FRMD4A: variants seen among roughly 807,000 people sequenced by gnomAD.
FRMD4A encodes FERM domain-containing protein 4A.
In FRMD4A, 29 loss-of-function variants were observed where a neutral mutation model predicts 129.1. That is an observed-to-expected ratio of 0.22 (90% confidence interval 0.17 to 0.31). The LOEUF (loss-of-function observed/expected upper bound fraction) is 0.31. Among genes scored for constraint, FRMD4A ranks in the 10% least tolerant of loss-of-function variants. The pLI is 1.00. For missense variants in FRMD4A, 1,272 were observed against 1,375.8 expected (o/e 0.92, Z 1.19); for synonymous variants, 634 against 571.6 (o/e 1.11, Z -1.56).
At chr10:13,992,078 G>T (rs2131428825) in intron 2 of FRMD4A, 1 of 152,234 alleles carries the variant, frequency 6.6e-6, no homozygotes, top group Admixed American at 6.5e-5. Flanking sequence ...AATAACATAA[G>T]GAACAAGATC....
chr10:13,920,248 A>G (rs2095056492), intron 2 of FRMD4A, among the ~76,000 whole-genome samples: 1 of 151,932 alleles, frequency 6.6e-6, no homozygotes, highest in South Asian at 2.1e-4. Flanking sequence ...GCATGTAGGC[A>G]TTTTTTTTGG....
intron 3 of FRMD4A, among the ~76,000 whole-genome samples, chr10:13,817,739 T>C (rs995503564): frequency 3.3e-5 from 5 of 152,178 alleles, no homozygotes; most frequent in Non-Finnish European, 4.4e-5. Context: ...GAACTGTGAG[T>C]TCACTAAACC....
At chr10:14,100,632 A>C (rs1170870895) in intron 2 of FRMD4A, among the ~76,000 whole-genome samples, 2 of 152,182 alleles carry the variant, frequency 1.3e-5, no homozygotes, top group Non-Finnish European at 2.9e-5. Flanking sequence ...CAGTGAATCA[A>C]TATGAGAAAA....
intron 2 of FRMD4A, among the ~76,000 whole-genome samples, chr10:13,891,200 C>T (rs554857089): frequency 2.1e-4 from 32 of 152,242 alleles, no homozygotes; most frequent in African/African-American, 7.2e-4. Flanking sequence ...CTTAGCAGCC[C>T]CGGGCACCGG....
intron 2 of FRMD4A, among the ~76,000 whole-genome samples, chr10:13,939,566 G>A (rs1375953084): frequency 6.6e-6 from 1 of 152,138 alleles, no homozygotes; most frequent in African/African-American, 2.4e-5. Context: ...GAGTTTGAAT[G>A]TTATTTTTTC....
At chr10:13,723,227 G>T (rs2089605654) in intron 12 of FRMD4A, among the ~76,000 whole-genome samples, 1 of 152,212 alleles carries the variant, frequency 6.6e-6, no homozygotes, top group Admixed American at 6.5e-5. Flanking sequence ...TCACCAAGCT[G>T]GTTAGCTAGG....
chr10:14,159,911 G>A lies in FRMD4A; in HGVS notation c.45+170147C>T, dbSNP rs569290480. On this transcript the variant is annotated intron_variant, in intron 2 of 24. Transcript: ENST00000357447. ...CTAAAATACAAAAAATTAGCCAGGC[G>A]TGGTGGTGGGCGCCTGTAATCCCAG... is the stretch of plus-strand genomic sequence containing the variant. 3.9e-4 allele frequency among the ~76,000 whole-genome samples: 60 copies of A among 152,200 alleles called. 1 individual carries two copies. The South Asian group carries it at 9.8e-3, about 25-fold the overall frequency.
intron 5 of FRMD4A, among the ~76,000 whole-genome samples, chr10:13,784,761 G>T (rs925922418): frequency 1.3e-5 from 2 of 152,290 alleles, no homozygotes; most frequent in African/African-American, 4.8e-5. Flanking sequence ...GGCTGAGGTG[G>T]GGGGAATCAC....
At chr10:14,103,074 G>A (rs922810672) in intron 2 of FRMD4A, among the ~76,000 whole-genome samples, 4 of 152,162 alleles carry the variant, frequency 2.6e-5, no homozygotes, top group East Asian at 1.9e-4. Flanking sequence ...TTTGTTCTAC[G>A]TGGGTGTCGT....
intron 2 of FRMD4A, among the ~76,000 whole-genome samples, chr10:14,256,937 C>T (rs2132027975): frequency 6.6e-6 from 1 of 152,016 alleles, no homozygotes; most frequent in African/African-American, 2.4e-5. Context: ...AAAATAAATA[C>T]TAGGCAGTAG....
chr10:13,994,465 C>T (rs189429002), intron 2 of FRMD4A, among the ~76,000 whole-genome samples: 4 of 152,158 alleles, frequency 2.6e-5, no homozygotes, highest in Non-Finnish European at 5.9e-5. Context: ...GTGTAAGCCA[C>T]CATGCCTGGC....
At chr10:14,003,280 G>T (rs745935786) in intron 2 of FRMD4A, among the ~76,000 whole-genome samples, 1 of 152,196 alleles carries the variant, frequency 6.6e-6, no homozygotes, top group Non-Finnish European at 1.5e-5. Context: ...AAGAGAGGAG[G>T]CAGGAAGACG....
intron 2 of FRMD4A, among the ~76,000 whole-genome samples, chr10:14,322,013 CCAT>C (rs1843076076): frequency 1.3e-5 from 2 of 152,188 alleles, no homozygotes; most frequent in South Asian, 2.1e-4. Context: ...TCGTCTTCCA[CCAT>C]GATTGTAAGT....
intron 2 of FRMD4A, among the ~76,000 whole-genome samples, chr10:14,049,456 C>T (rs1417679937): frequency 6.6e-6 from 1 of 152,138 alleles, no homozygotes; most frequent in Non-Finnish European, 1.5e-5. Context: ...CTGGAATTCC[C>T]CACAGTTTGG....
intron 2 of FRMD4A, among the ~76,000 whole-genome samples, chr10:13,876,031 T>C (rs2094485824): frequency 6.6e-6 from 1 of 152,202 alleles, no homozygotes; most frequent in Non-Finnish European, 1.5e-5. Context: ...AGGAAGAACT[T>C]TTGAACAAGC....
intron 12 of FRMD4A, among the ~76,000 whole-genome samples, chr10:13,716,050 T>G (rs759973141): frequency 9.2e-5 from 14 of 152,330 alleles, no homozygotes; most frequent in Non-Finnish European, 2.1e-4. Context: ...GTGTAATGTT[T>G]TTTTGAAAGA....
chr10:13,917,636 C>T (rs1479689736), intron 2 of FRMD4A, among the ~76,000 whole-genome samples: 2 of 152,068 alleles, frequency 1.3e-5, no homozygotes, highest in South Asian at 2.1e-4. Flanking sequence ...TTCATTCTCT[C>T]TAGGGGGTAA....
chr10:13,711,763 G>C (rs2088045092), intron 12 of FRMD4A, among the ~76,000 whole-genome samples: 1 of 152,174 alleles, frequency 6.6e-6, no homozygotes, highest in African/African-American at 2.4e-5. Flanking sequence ...CATCCCTCAA[G>C]AAGATCAAGT....
chr10:14,000,668 A>AAAAAAAG (rs1555009702), intron 2 of FRMD4A, among the ~76,000 whole-genome samples: 14 of 74,610 alleles, frequency 1.9e-4, no homozygotes, highest in Non-Finnish European at 2.5e-4. Flanking sequence ...AAAAAAAAAA[A>AAAAAAAG]GAGAAGAAAG....
Sources: gnomAD v4.1 joint callset for allele counts (sites outside exome capture counted in the v4.1 genomes callset) on GRCh38, gnomAD v4.1.1 for gene constraint, MANE v1.5 for transcripts, NCBI Gene and HGNC (gene_info 2026-07-23, HGNC 2026-07-21) for gene names.